The following GYS1 variants were observed in gnomAD, a reference collection of about 807,000 sequenced individuals.
GYS1 encodes glycogen synthase 1.
A neutral mutation model predicts 89.1 loss-of-function variants in GYS1; 60 were observed. The ratio of observed to expected loss-of-function variants is 0.67; its 90% CI spans 0.55 to 0.84. GYS1 has a LOEUF of 0.84. Ranked by LOEUF, GYS1 falls within the 40% of genes least tolerant of loss-of-function variation. GYS1 has a pLI of 0.00. For missense variants in GYS1, 888 were observed against 1,003.1 expected (o/e 0.89, Z 1.55); for synonymous variants, 366 against 401.7 (o/e 0.91, Z 1.06).
At chr19:48,980,460 C>A (rs1286635198) in intron 8 of GYS1, among the ~76,000 whole-genome samples, 2 of 152,054 alleles carry the variant, frequency 1.3e-5, no homozygotes, top group Non-Finnish European at 2.9e-5. Flanking sequence ...TCAAGACCAG[C>A]CTGGTCAACG....
intron 2 of GYS1, among the ~76,000 whole-genome samples, chr19:48,989,885 CCTGCTGCCACAGCA>C (rs2122534015): frequency 6.6e-6 from 1 of 152,150 alleles, no homozygotes; most frequent in Admixed American, 6.5e-5. Flanking sequence ...TGGTTCTGGG[CCTGCTGCCACAGCA>C]GTGGAGAAGC....
chr19:48,974,715 CA>C lies in GYS1; in HGVS notation c.1326del (p.Val443CysfsTer15), dbSNP rs1404367129. 2 of 1,613,226 alleles carry C rather than the reference CA, an allele frequency of 1.2e-6. No homozygotes were observed. The highest frequency in any genetic ancestry group is 1.7e-5 in the Admixed American group (1 of 59,958). On this transcript the variant is annotated frameshift_variant, in exon 11 of 16. Transcript: ENST00000323798. LOFTEE classifies it high-confidence loss of function. ...IFATQRQSFP[P>X]VCTHNMLDDS... ...TCATCCAGCATATTGTGGGTGCACA[CA>C]GGGGGGAAAGACTGCCGCTGCAGGA...
In GYS1 at chr19:48,991,455, C is replaced by A; in HGVS notation, c.147G>T (p.Thr49=). 1 of 1,613,938 alleles carries A rather than the reference C, an allele frequency of 6.2e-7. No individual in the cohort carries two copies. Residue 49 remains threonine (T), a synonymous_variant, in exon 2 of 16, where the codon ACG becomes ACT. Coordinates refer to ENST00000323798, the MANE Select transcript of GYS1 (RefSeq NM_002103.5). The surrounding 1 kb of genome is among the most constrained non-coding windows in gnomAD (Gnocchi z 4.7). ...ATTCGTCCCCTGTCACCTTCGCCTT[C>A]GTCTGCAGCACCGTGTAGATGCCAC... The part of the protein sequence containing the change: ...KVGGIYTVLQ[T]KAKVTGDEWG...
At chr19:48,988,234 C>T (rs2038871625) in intron 2 of GYS1, among the ~76,000 whole-genome samples, 1 of 152,220 alleles carries the variant, frequency 6.6e-6, no homozygotes, top group African/African-American at 2.4e-5. Flanking sequence ...ATCATTTCCC[C>T]TACCTGCTGC....
chr19:48,971,044 G>A (rs965362204), intron 12 of GYS1, 21 bp from the exon 13 acceptor site: 2 of 1,530,956 alleles, frequency 1.3e-6, no homozygotes, highest in African/African-American at 2.7e-5. Context: ...GCAGGAGAGA[G>A]ACCCACTTAG....
At chr19:48,978,225 AGTTT>A (rs112715539) in intron 8 of GYS1, 68 bp from the exon 9 acceptor site, 301 of 1,327,622 alleles carry the variant, frequency 2.3e-4, no homozygotes, top group African/African-American at 1.7e-3. Context: ...TTCTTTAGTT[AGTTT>A]GTTTGTTTAT....
chr19:48,970,430 T>C (rs762875570), intron 14 of GYS1, 116 bp downstream of exon 14: 11 of 890,394 alleles, frequency 1.2e-5, no homozygotes, highest in African/African-American at 4.9e-5. Context: ...GCCTGGTTCA[T>C]TGCTTAAAGG....
In GYS1 at chr19:48,970,608, T is replaced by C. The variant is rs748757141; in HGVS notation, c.1747A>G (p.Ile583Val). 10 of 1,613,940 alleles carry C rather than the reference T, an allele frequency of 6.2e-6. No individual in the cohort carries two copies. In the South Asian group the frequency reaches 1.1e-4, roughly 18 times the overall value. Reference protein sequence around the residue: ...SFCQQSRRQRIIQRNRTERLS... With the variant: ...SFCQQSRRQRVIQRNRTERLS... ...CGCTCCGTGCGGTTCCGCTGGATGATACGCTGCCGCCGGCTCTGCTGACAG... is the reference window on the plus strand; with the variant it reads ...CGCTCCGTGCGGTTCCGCTGGATGACACGCTGCCGCCGGCTCTGCTGACAG... The change falls in exon 14 of 16, where the codon ATC (isoleucine) becomes GTC (valine). Residue 583 changes from isoleucine to valine, a missense_variant. By Grantham distance (29) the Ile-to-Val change is conservative. Coordinates refer to ENST00000323798, the MANE Select transcript of GYS1 (RefSeq NM_002103.5).
rs1454671676 is a variant in GYS1 at position 48,968,671 on chromosome 19, G to A, written c.*617C>T. On this transcript the variant is annotated 3_prime_UTR_variant, in exon 16 of 16. Coordinates refer to ENST00000323798, the MANE Select transcript of GYS1 (RefSeq NM_002103.5). ...CTTGGCCAAAGTGTAGGGGATGACA[G>A]GAGCCGGATGGAGGGATCCTCCAGG... 6.6e-6 allele frequency: 3 copies of A among 454,050 alleles called. No individual in the cohort carries two copies. The highest frequency in any genetic ancestry group is 4.0e-5 in the African/African-American group (2 of 50,018). The allele number at this position is 454,050 out of a possible 1,614,324, so 28.1% of individuals were successfully genotyped here.
intron 5 of GYS1, among the ~76,000 whole-genome samples, chr19:48,983,787 G>C (rs533047570): frequency 6.6e-6 from 1 of 152,170 alleles, no homozygotes; most frequent in Admixed American, 6.6e-5. Flanking sequence ...CCTTTCATAA[G>C]ACCAATCTAC....
At chr19:48,980,987 C>T (rs1568621544) in intron 8 of GYS1, among the ~76,000 whole-genome samples, 1 of 151,708 alleles carries the variant, frequency 6.6e-6, no homozygotes, top group African/African-American at 2.4e-5. Context: ...GGTGGCACAC[C>T]CCTGTAGTCC....
chr19:48,993,285 G>C lies in GYS1; in HGVS notation c.-173C>G. ...CCCTGCCCCGAAGCGTTGGGACCTAGGCAGAAGGAGGCCGCAGCGTCACTG... is the reference window on the plus strand; with the variant it reads ...CCCTGCCCCGAAGCGTTGGGACCTACGCAGAAGGAGGCCGCAGCGTCACTG... On this transcript the variant is annotated 5_prime_UTR_variant, in exon 1 of 16. Transcript: ENST00000323798. 1 of 690,434 alleles carries C rather than the reference G, an allele frequency of 1.4e-6. No individual in the cohort carries two copies. Among genetic ancestry groups the C allele is most frequent in the Non-Finnish European group, 2.7e-6 (1 of 374,102 alleles). The allele number at this position is 690,434 out of a possible 1,614,324, so 42.8% of individuals were successfully genotyped here. A position where few individuals can be genotyped will look rare whatever the true frequency, so the allele number is the denominator to read the frequency against.
intron 6 of GYS1, 114 bp downstream of exon 6, chr19:48,982,606 G>T: frequency 1.1e-6 from 1 of 896,096 alleles, no homozygotes. Context: ...ATACCCAGGT[G>T]CCCCCTCCCT....
chr19:48,971,556 T>C (rs908959170), intron 12 of GYS1, among the ~76,000 whole-genome samples: 1 of 135,950 alleles, frequency 7.4e-6, no homozygotes, highest in Non-Finnish European at 1.5e-5. Flanking sequence ...ATTTTTATGC[T>C]TTTTTTTTTT....
intron 1 of GYS1, 35 bp downstream of exon 1, chr19:48,992,960 T>C (rs1384000559): frequency 8.0e-7 from 1 of 1,253,790 alleles, no homozygotes; most frequent in Admixed American, 1.7e-5. Context: ...ACTACTGTCC[T>C]TCTCGTCAAG....
chr19:48,969,002 A>T lies in GYS1; in HGVS notation c.*286T>A, dbSNP rs1206935850. ...CCTAAAACCTCTGGCACCACCGCAG[A>T]GTAATGGCAGATTCCTGGCCTCTGG... is the stretch of plus-strand genomic sequence containing the variant. On this transcript the variant is annotated 3_prime_UTR_variant, in exon 16 of 16. Coordinates refer to ENST00000323798, the MANE Select transcript of GYS1 (RefSeq NM_002103.5). 2 of 637,092 alleles carry T rather than the reference A, an allele frequency of 3.1e-6. No homozygotes were observed. The highest frequency in any genetic ancestry group is 3.6e-5 in the African/African-American group (2 of 55,502). The allele number at this position is 637,092 out of a possible 1,614,324, so 39.5% of individuals were successfully genotyped here. A position where few individuals can be genotyped will look rare whatever the true frequency, so the allele number is the denominator to read the frequency against.
chr19:48,978,171 A>T lies in GYS1; in HGVS notation c.1170-14T>A, dbSNP rs1041846453. On this transcript the variant is annotated splice_polypyrimidine_tract_variant and intron_variant, in intron 8 of 15. Coordinates refer to ENST00000323798, the MANE Select transcript of GYS1 (RefSeq NM_002103.5). ...TTGGCCGTGTCCCTGGAGGAAGCAG[A>T]GCAACAGGGTCACATACACACCAGC... is the stretch of plus-strand genomic sequence containing the variant. 6.2e-7 allele frequency: 1 copy of T among 1,609,432 alleles called. No homozygotes were observed. Among genetic ancestry groups the T allele is most frequent in the African/African-American group, 1.3e-5 (1 of 74,954 alleles).
rs1307896845 is a variant in GYS1 at position 48,969,432 on chromosome 19, T to C, written c.2070A>G (p.Ala690=). ...EAAKDRRNIR[A]PEWPRRASCT... ...AGGACGCTCGGCGCGGCCACTCTGG[T>C]GCACGGATGTTGCGCCGGTCCTTGG... is the stretch of plus-strand genomic sequence containing the variant. The change falls in exon 16 of 16, where the codon GCA becomes GCG. Residue 690 remains alanine, a synonymous_variant. Coordinates refer to ENST00000323798, the MANE Select transcript of GYS1 (RefSeq NM_002103.5). 5 of 1,546,062 alleles carry C rather than the reference T, an allele frequency of 3.2e-6. No individual in the cohort carries two copies. The highest frequency in any genetic ancestry group is 4.4e-6 in the Non-Finnish European group (5 of 1,147,964).
intron 10 of GYS1, among the ~76,000 whole-genome samples, chr19:48,975,233 ATTTTT>A (rs554660546): frequency 1.9e-4 from 26 of 134,842 alleles, no homozygotes; most frequent in African/African-American, 7.1e-4. Context: ...GCTCAGCCTA[ATTTTT>A]TTTTTTTTTT....
Sources: allele counts gnomAD v4.1 joint callset (sites outside exome capture counted in the v4.1 genomes callset), GRCh38; gene constraint gnomAD v4.1.1; non-coding constraint Gnocchi (gnomAD v3.1); transcripts MANE v1.5; gene names NCBI Gene and HGNC (gene_info 2026-07-23, HGNC 2026-07-21).